Variants in HSD17B2 observed in about 807,000 individuals in gnomAD.
HSD17B2 encodes 17-beta-hydroxysteroid dehydrogenase type 2.
Under a neutral mutation model 26.9 loss-of-function variants are expected in HSD17B2, and 32 were observed. The ratio of observed to expected loss-of-function variants is 1.19; its 90% CI spans 0.90 to 1.60. The LOEUF is 1.60. Ranked by LOEUF, HSD17B2 falls within the 40% of genes most tolerant of loss-of-function variation. The pLI, the probability that HSD17B2 is intolerant of heterozygous loss-of-function variation, is 0.00. For synonymous variants in HSD17B2, 246 were observed against 186.7 expected (o/e 1.32, Z -2.59); for missense variants, 613 against 468.6 (o/e 1.31, Z -2.85).
chr16:82,079,413 C>T (rs148286840), intron 3 of HSD17B2, among the ~76,000 whole-genome samples: 45 of 152,176 alleles, frequency 3.0e-4, no homozygotes, highest in Admixed American at 7.2e-4. Flanking sequence ...CTCACATGGT[C>T]ATCTCTCTGT....
intron 1 of HSD17B2, among the ~76,000 whole-genome samples, chr16:82,037,473 T>A (rs1913653783): frequency 6.6e-6 from 1 of 152,192 alleles, no homozygotes; most frequent in Non-Finnish European, 1.5e-5. Context: ...TAGCACGCAT[T>A]GTGGTGGGGC....
intron 1 of HSD17B2, among the ~76,000 whole-genome samples, chr16:82,053,268 G>A (rs1012280136): frequency 1.1e-4 from 16 of 152,150 alleles, no homozygotes; most frequent in Non-Finnish European, 2.1e-4. Flanking sequence ...CACCTAGACT[G>A]CAGGGGAAAA....
intron 1 of HSD17B2, among the ~76,000 whole-genome samples, chr16:82,065,139 G>C (rs1914540398): frequency 6.6e-6 from 1 of 152,216 alleles, no homozygotes; most frequent in Non-Finnish European, 1.5e-5. Context: ...ACACATCAAA[G>C]TGTTTGTGGG....
intron 3 of HSD17B2, among the ~76,000 whole-genome samples, chr16:82,088,802 G>A (rs537651595): frequency 6.6e-6 from 1 of 152,298 alleles, no homozygotes; most frequent in South Asian, 2.1e-4. Context: ...CAGACATCGT[G>A]TTAAAATTAT....
At chr16:82,064,009 T>C (rs186117570) in intron 1 of HSD17B2, among the ~76,000 whole-genome samples, 3 of 151,950 alleles carry the variant, frequency 2.0e-5, no homozygotes, top group African/African-American at 7.3e-5. Context: ...GGGAAGGGAG[T>C]TCTTTGCAGT....
chr16:82,084,759 G>T (rs1420176571), intron 3 of HSD17B2, among the ~76,000 whole-genome samples: 1 of 152,126 alleles, frequency 6.6e-6, no homozygotes, highest in Non-Finnish European at 1.5e-5. Context: ...TCTAAAACAG[G>T]TCTCCCTCTG....
At chr16:82,045,619 G>A (rs753686246) in intron 1 of HSD17B2, among the ~76,000 whole-genome samples, 2 of 152,228 alleles carry the variant, frequency 1.3e-5, no homozygotes, top group Non-Finnish European at 2.9e-5. Flanking sequence ...TCATTAATGT[G>A]CCTCATCAGC....
chr16:82,089,123 T>A (rs1904611395), intron 3 of HSD17B2, among the ~76,000 whole-genome samples: 1 of 152,144 alleles, frequency 6.6e-6, no homozygotes, highest in African/African-American at 2.4e-5. Flanking sequence ...GTGGGCACAA[T>A]GTTCATAGCA....
At chr16:82,083,058 C>T (rs1199018301) in intron 3 of HSD17B2, among the ~76,000 whole-genome samples, 3 of 152,120 alleles carry the variant, frequency 2.0e-5, no homozygotes, top group Non-Finnish European at 4.4e-5. Flanking sequence ...ACCTTATTGA[C>T]CATTTTTTGC....
intron 1 of HSD17B2, among the ~76,000 whole-genome samples, chr16:82,058,601 C>G (rs1914343820): frequency 6.6e-6 from 1 of 152,178 alleles, no homozygotes; most frequent in African/African-American, 2.4e-5. Flanking sequence ...CATTAGGGCT[C>G]ACCTACCCCA....
rs1045912605 is a variant in HSD17B2, at chr16:82,090,990, C to A, written c.753C>A (p.Ser251=). 3.1e-6 allele frequency: 5 copies of A among 1,613,924 alleles called. No individual in the cohort carries two copies. Among genetic ancestry groups the A allele is most frequent in the Non-Finnish European group, 4.2e-6 (5 of 1,179,844 alleles). ...CATCAGTTATGAGACTGGAGCTTTC[C>A]AAGTGGGGAATTAAAGTTGCTTCCA... The part of the protein sequence containing the change: ...MFSSVMRLEL[S]KWGIKVASIQ... The change falls in exon 4 of 5, where the codon TCC becomes TCA. Residue 251 remains serine, a synonymous_variant. Transcript: ENST00000199936.
chr16:82,042,555 G>C (rs1466789341), intron 1 of HSD17B2, among the ~76,000 whole-genome samples: 1 of 152,164 alleles, frequency 6.6e-6, no homozygotes, highest in African/African-American at 2.4e-5. Flanking sequence ...GTGGATCTTT[G>C]TGTGTGAAAT....
chr16:82,092,816 G>A (rs1464666211), intron 4 of HSD17B2: 1 of 152,296 alleles, frequency 6.6e-6, no homozygotes, highest in Non-Finnish European at 1.5e-5. Flanking sequence ...GGGATACAAA[G>A]AGAGGGAAGC....
intron 4 of HSD17B2, chr16:82,091,308 T>C: frequency 2.1e-6 from 1 of 469,432 alleles, no homozygotes; most frequent in Non-Finnish European, 3.9e-6. Context: ...GTAAGTCAGA[T>C]TAGTGAAAAA....
rs544038972 is a variant in HSD17B2, at chr16:82,052,481, G to C, written c.266-15689G>C. On this transcript the variant is annotated intron_variant, in intron 1 of 4. Coordinates refer to ENST00000199936, the MANE Select transcript of HSD17B2 (RefSeq NM_002153.3). ...GTCCTGTGAATGGAATTGTCAGTGAGTTCTAGTTTGCTCATAGCATGAGTC... is the reference window on the plus strand; with the variant it reads ...GTCCTGTGAATGGAATTGTCAGTGACTTCTAGTTTGCTCATAGCATGAGTC... 5.3e-5 allele frequency: 8 copies of C among 152,370 alleles called. No homozygotes were observed. In the East Asian group the frequency reaches 1.5e-3, roughly 29 times the overall value. The allele number at this position is 152,370 out of a possible 1,614,324, so 9.4% of individuals were successfully genotyped here. A position where few individuals can be genotyped will look rare whatever the true frequency, so the allele number is the denominator to read the frequency against.
chr16:82,069,526 C>A (rs952819115), intron 2 of HSD17B2, among the ~76,000 whole-genome samples: 17 of 152,192 alleles, frequency 1.1e-4, no homozygotes, highest in Admixed American at 7.9e-4. Context: ...TCCCCAGCCC[C>A]CATTGCTCTC....
intron 1 of HSD17B2, among the ~76,000 whole-genome samples, chr16:82,047,124 G>A (rs1377534080): frequency 2.0e-5 from 3 of 152,180 alleles, no homozygotes; most frequent in Non-Finnish European, 2.9e-5. Context: ...AGACTGAACA[G>A]CCAGGAACTT....
chr16:82,052,106 C>T (rs772357361), intron 1 of HSD17B2, among the ~76,000 whole-genome samples: 1 of 152,146 alleles, frequency 6.6e-6, no homozygotes, highest in Admixed American at 6.5e-5. Flanking sequence ...CAAGTCGTAT[C>T]CGAGATTTGA....
intron 1 of HSD17B2, among the ~76,000 whole-genome samples, chr16:82,065,922 A>T (rs1334101986): frequency 6.6e-6 from 1 of 152,202 alleles, no homozygotes; most frequent in African/African-American, 2.4e-5. Context: ...TATAAGACAG[A>T]CTTGACCACT....
Sources: gnomAD v4.1 joint callset for allele counts (sites outside exome capture counted in the v4.1 genomes callset) on GRCh38, gnomAD v4.1.1 for gene constraint, MANE v1.5 for transcripts, NCBI Gene and HGNC (gene_info 2026-07-23, HGNC 2026-07-21) for gene names.